SENP5: variants seen among roughly 807,000 people sequenced by gnomAD.
The protein encoded by SENP5 is sentrin-specific protease 5.
SENP5 carries 21 observed loss-of-function variants against 74.2 expected under a neutral mutation model. That is an observed-to-expected ratio of 0.28 (90% CI 0.20 to 0.41). SENP5 has a LOEUF of 0.41. SENP5 is among the 10% of genes least tolerant of loss of function. The probability of loss-of-function intolerance (pLI) is 1.00; values close to 1 mark genes in which losing one functional copy is unlikely to be tolerated. For missense variants in SENP5, 717 were observed against 889.1 expected (o/e 0.81, Z 2.46); for synonymous variants, 311 against 312.7 (o/e 0.99, Z 0.06).
intron 2 of SENP5, among the ~76,000 whole-genome samples, chr3:196,888,707 G>A (rs190786176): frequency 1.1e-4 from 17 of 152,268 alleles, no homozygotes; most frequent in African/African-American, 4.1e-4. Context: ...ATATGCATTT[G>A]TATAGGACAT....
At chr3:196,903,477 TA>T in intron 5 of SENP5, 55 bp from the exon 6 acceptor site, 1 of 1,133,072 alleles carries the variant, frequency 8.8e-7, no homozygotes. Context: ...CTTTTGAAGT[TA>T]AATCTGGGCA....
intron 1 of SENP5, among the ~76,000 whole-genome samples, chr3:196,869,409 G>A (rs1560135136): frequency 6.7e-6 from 1 of 150,276 alleles, no homozygotes. Context: ...TCACCATGTT[G>A]GCCAGGCTGG....
At chr3:196,868,132 TG>T in intron 1 of SENP5, 59 bp downstream of exon 1, 1 of 152,346 alleles carries the variant, frequency 6.6e-6, no homozygotes. Context: ...CGGGGCTGGC[TG>T]GGGCCATTCC....
intron 7 of SENP5, 96 bp from the exon 8 acceptor site, chr3:196,927,700 A>C: frequency 1.5e-6 from 1 of 684,918 alleles, no homozygotes; most frequent in South Asian, 1.8e-5. Flanking sequence ...TTATGGGGCC[A>C]CAGCCTCCTC....
In SENP5 at chr3:196,903,399, A is replaced by T. The variant is rs188127536; in HGVS notation, c.1807-134A>T. ...AGATGATCCACTTGCCTCCTCAATCATTGTTTTTATGAAGAAATTTTTCCT... is the reference window on the plus strand; with the variant it reads ...AGATGATCCACTTGCCTCCTCAATCTTTGTTTTTATGAAGAAATTTTTCCT... On this transcript the variant is annotated intron_variant, in intron 5 of 9. Transcript: ENST00000323460. 1.8e-4 allele frequency: 97 copies of T among 536,768 alleles called. 1 individual carries two copies. In the East Asian group the frequency reaches 2.9e-3, roughly 16 times the overall value. The allele number at this position is 536,768 out of a possible 1,614,324, so 33.3% of individuals were successfully genotyped here. A position where few individuals can be genotyped will look rare whatever the true frequency, so the allele number is the denominator to read the frequency against.
At position 196,924,828 on chromosome 3, in the gene SENP5, A is replaced by G. The variant is rs61438117; in HGVS notation, c.2022+1277A>G. Among the ~76,000 whole-genome samples the G allele has an allele frequency of 7.1e-3, 1,075 of 152,346 alleles. 7 individuals are homozygous for G. The highest frequency in any genetic ancestry group is 0.025 in the African/African-American group (1,019 of 41,576). On this transcript the variant is annotated intron_variant, in intron 7 of 9. Coordinates refer to ENST00000323460, the MANE Select transcript of SENP5 (RefSeq NM_152699.5). ...AGCATTATTTATAATAGTGCAAAAT[A>G]AAACAACCCAAATTTAGCTCTAGCA... is the stretch of plus-strand genomic sequence containing the variant.
At position 196,934,292 on chromosome 3, in the gene SENP5, T is replaced by C. The variant is rs1251915058; in HGVS notation, c.*3369T>C. On this transcript the variant is annotated 3_prime_UTR_variant, in exon 10 of 10. Transcript: ENST00000323460. ...TGGGACTCAGCCAGCACTAGCCTCA[T>C]CTTAGCTGCCCCTTTTCTCTGCTTT... is the stretch of plus-strand genomic sequence containing the variant. 2.0e-5 allele frequency: 3 copies of C among 152,260 alleles called. No individual in the cohort carries two copies. Among genetic ancestry groups the C allele is most frequent in the Non-Finnish European group, 4.4e-5 (3 of 68,054 alleles). The allele number at this position is 152,260 out of a possible 1,614,324, so 9.4% of individuals were successfully genotyped here.
intron 6 of SENP5, among the ~76,000 whole-genome samples, chr3:196,920,352 T>G (rs1181640460): frequency 6.6e-6 from 1 of 152,212 alleles, no homozygotes; most frequent in Non-Finnish European, 1.5e-5. Context: ...CTTCTAGTTG[T>G]TTGTATATAG....
intron 8 of SENP5, 89 bp from the exon 9 acceptor site, chr3:196,929,544 C>T: frequency 5.1e-6 from 4 of 786,738 alleles, no homozygotes; most frequent in East Asian, 2.6e-5. Context: ...AGTTTCCTAT[C>T]TTTTGCGCAT....
rs922002977 is a variant in SENP5, at chr3:196,886,267, T to G, written c.1086T>G (p.Ser362=). ...ATNAWDQSSC[S]SPKWECTELI... ...ACGCCTGGGACCAGTCATCCTGTTCTTCTCCTAAGTGGGAGTGTACAGAGC... is the reference window on the plus strand; with the variant it reads ...ACGCCTGGGACCAGTCATCCTGTTCGTCTCCTAAGTGGGAGTGTACAGAGC... The change falls in exon 2 of 10, where the codon TCT becomes TCG. Residue 362 remains serine, a synonymous_variant. Coordinates refer to ENST00000323460, the MANE Select transcript of SENP5 (RefSeq NM_152699.5). The G allele has an allele frequency of 3.1e-6, 5 of 1,614,032 alleles. No individual in the cohort carries two copies. Among genetic ancestry groups the G allele is most frequent in the Non-Finnish European group, 2.5e-6 (3 of 1,180,032 alleles).
rs572146232 is a variant in SENP5 at position 196,911,450 on chromosome 3, C to T, written c.1884+7840C>T. Among the ~76,000 whole-genome samples the T allele has an allele frequency of 9.9e-5, 15 of 151,640 alleles. No homozygotes were observed. In the South Asian group the frequency reaches 2.7e-3, roughly 27 times the overall value. On this transcript the variant is annotated intron_variant, in intron 6 of 9. Coordinates refer to ENST00000323460, the MANE Select transcript of SENP5 (RefSeq NM_152699.5). ...ATTTATGTCTGTAGTCTCAGCTACT[C>T]GAGAGGCTGAGACAGGAGAATTGCT... is the stretch of plus-strand genomic sequence containing the variant.
rs1713909502 is a variant in SENP5 at position 196,885,338 on chromosome 3, C to G, written c.157C>G (p.Gln53Glu). 1 of 1,614,150 alleles carries G rather than the reference C, an allele frequency of 6.2e-7. No homozygotes were observed. The highest frequency in any genetic ancestry group is 2.2e-5 in the East Asian group (1 of 44,890). Reference sequence around the variant, plus strand: ...GGGAAGGCCAGTTACTTGGAATAGACAGTTGAGACATTTCCAGGGTAGAAA... The same window carrying G: ...GGGAAGGCCAGTTACTTGGAATAGAGAGTTGAGACATTTCCAGGGTAGAAA... ...KLGRPVTWNR[Q>E]LRHFQGRKKA... Residue 53 changes from glutamine to glutamate, a missense_variant, in exon 2 of 10, where the codon CAG becomes GAG. Around this residue, in one of 4 missense-constraint regions of SENP5, gnomAD observed 567 missense variants for 577.4 expected, o/e 0.98. Coordinates refer to ENST00000323460, the MANE Select transcript of SENP5 (RefSeq NM_152699.5).
At chr3:196,896,021 C>G (rs1400216271) in intron 2 of SENP5, among the ~76,000 whole-genome samples, 1 of 152,062 alleles carries the variant, frequency 6.6e-6, no homozygotes, top group Admixed American at 6.6e-5. Flanking sequence ...TTGCATTTTT[C>G]CTTTTTTAGT....
At chr3:196,899,546 G>A (rs1161513725) in intron 2 of SENP5, 120 bp from the exon 3 acceptor site, 1 of 585,642 alleles carries the variant, frequency 1.7e-6, no homozygotes, top group Non-Finnish European at 3.1e-6. Flanking sequence ...ATATTATATA[G>A]TAATATAGGT....
rs759223283 is a variant in SENP5, at chr3:196,885,374, C to A, written c.193C>A (p.Gln65Lys). Residue 65 changes from glutamine (Q) to lysine (K), a missense_variant, in exon 2 of 10, where the codon CAA becomes AAA. Coordinates refer to ENST00000323460, the MANE Select transcript of SENP5 (RefSeq NM_152699.5). ...TTTCCAGGGTAGAAAGAAAGCTCTTCAAATCCAGAAAACGTGGATCAAGGA... is the reference window on the plus strand; with the variant it reads ...TTTCCAGGGTAGAAAGAAAGCTCTTAAAATCCAGAAAACGTGGATCAAGGA... ...RHFQGRKKAL[Q>K]IQKTWIKDEP... 2.3e-5 allele frequency: 37 copies of A among 1,613,988 alleles called. No individual in the cohort carries two copies. Among genetic ancestry groups the A allele is most frequent in the Non-Finnish European group, 3.0e-5 (35 of 1,180,030 alleles).
Position 196,902,739 on chromosome 3 carries a change from A to G in SENP5, c.1807-794A>G, listed in dbSNP as rs569019184. On this transcript the variant is annotated intron_variant, in intron 5 of 9. Transcript: ENST00000323460. ...AGATGAGCTGATATACCACTTACTT[A>G]TAAGTCAGAAATTCAAAGCCAAGGA... Among the ~76,000 whole-genome samples the G allele has an allele frequency of 3.9e-5, 6 of 152,362 alleles. No homozygotes were observed. In the East Asian group the frequency reaches 1.2e-3, roughly 29 times the overall value.
At chr3:196,907,520 G>A (rs1159039239) in intron 6 of SENP5, among the ~76,000 whole-genome samples, 1 of 151,598 alleles carries the variant, frequency 6.6e-6, no homozygotes, top group Non-Finnish European at 1.5e-5. Context: ...ATTACAAGCA[G>A]TGTGGGCAAA....
rs1256299773 is a variant in SENP5, at chr3:196,931,991, C to G, written c.*1068C>G. On this transcript the variant is annotated 3_prime_UTR_variant, in exon 10 of 10. Transcript: ENST00000323460. ...GCAGCAACCGTGTCAGGTTCTTTCTCCTGTCCCATTAGTGACCTCAGTAAC... is the reference window on the plus strand; with the variant it reads ...GCAGCAACCGTGTCAGGTTCTTTCTGCTGTCCCATTAGTGACCTCAGTAAC... The G allele has an allele frequency of 6.8e-6, 3 of 442,152 alleles. No individual in the cohort carries two copies. Among genetic ancestry groups the G allele is most frequent in the Non-Finnish European group, 1.4e-5 (3 of 221,556 alleles). The allele number at this position is 442,152 out of a possible 1,614,324, so 27.4% of individuals were successfully genotyped here.
In SENP5 at chr3:196,930,908, C is replaced by G. The variant is rs1294372804; in HGVS notation, c.2253C>G (p.Cys751Trp). The G allele has an allele frequency of 6.2e-7, 1 of 1,611,320 alleles. No homozygotes were observed. The change falls in exon 10 of 10, where the codon TGC (cysteine) becomes TGG (tryptophan). Residue 751 changes from cysteine (C) to tryptophan (W), a missense_variant. By Grantham distance (215) the Cys-to-Trp change is radical. Around this residue, in one of 4 missense-constraint regions of SENP5, gnomAD observed 85 missense variants for 188.9 expected, o/e 0.45. Coordinates refer to ENST00000323460, the MANE Select transcript of SENP5 (RefSeq NM_152699.5). ...GGATTTACAAGGAGCTATGTGAGTG[C>G]CGGCTCATGGACTGAAACTCAGCAG... The part of the protein sequence containing the change: ...RKRIYKELCE[C>W]RLMD
Sources: gnomAD v4.1 joint callset for allele counts (sites outside exome capture counted in the v4.1 genomes callset) on GRCh38, gnomAD v4.1.1 for gene constraint, gnomAD v4.1.1 regional missense constraint, MANE v1.5 for transcripts, NCBI Gene and HGNC (gene_info 2026-07-23, HGNC 2026-07-21) for gene names.